Variants in RYR3 observed in about 807,000 individuals in gnomAD.
RYR3 encodes brain ryanodine receptor-calcium release channel.
Under a neutral mutation model 584.3 loss-of-function variants are expected in RYR3, and 207 were observed. The observed-to-expected ratio is 0.35, with a 90% CI of 0.32 to 0.40. The LOEUF (loss-of-function observed/expected upper bound fraction) is 0.40. Among genes scored for constraint, RYR3 ranks in the 10% least tolerant of loss-of-function variants. The pLI is 1.00. For missense variants in RYR3, 5,616 were observed against 6,089.2 expected, an observed-to-expected ratio of 0.92 and a Z score of 2.59; for synonymous variants, 2,416 against 2,248.5, an observed-to-expected ratio of 1.07 and a Z score of -2.11.
At chr15:33,648,790 A>C (rs368534725) in intron 30 of RYR3, among the ~76,000 whole-genome samples, 1 of 152,196 alleles carries the variant, frequency 6.6e-6, no homozygotes, top group African/African-American at 2.4e-5. Flanking sequence ...GCATCTCCTG[A>C]TTTCAGCACC....
chr15:33,655,182 A>G (rs531081362), intron 32 of RYR3, among the ~76,000 whole-genome samples: 1 of 152,338 alleles, frequency 6.6e-6, no homozygotes, highest in South Asian at 2.1e-4. Flanking sequence ...TGCACTCACA[A>G]AGCCAGGCTT....
intron 86 of RYR3, among the ~76,000 whole-genome samples, chr15:33,831,971 C>T (rs2077705828): frequency 6.6e-6 from 1 of 152,116 alleles, no homozygotes; most frequent in African/African-American, 2.4e-5. Flanking sequence ...TGAGAAAATA[C>T]ATATGCACAA....
chr15:33,473,702 C>T (rs2049134134), intron 2 of RYR3, among the ~76,000 whole-genome samples, 164 bp downstream of exon 2: 1 of 152,148 alleles, frequency 6.6e-6, no homozygotes, highest in South Asian at 2.1e-4. Flanking sequence ...TTCCACAAGC[C>T]TAGGAATCGT....
chr15:33,349,727 A>C (rs1490227173), intron 1 of RYR3, among the ~76,000 whole-genome samples: 72 of 134,988 alleles, frequency 5.3e-4, no homozygotes, highest in Non-Finnish European at 1.7e-4. Context: ...TATATCTCCC[A>C]ATGCTATCCC....
At chr15:33,732,879 G>A (rs192583486) in intron 48 of RYR3, among the ~76,000 whole-genome samples, 1 of 152,254 alleles carries the variant, frequency 6.6e-6, no homozygotes, top group Admixed American at 6.5e-5. Flanking sequence ...TCCCCCTTTA[G>A]GGGCCAGCTG....
intron 19 of RYR3, among the ~76,000 whole-genome samples, chr15:33,614,498 T>C (rs1437323234): frequency 6.6e-6 from 1 of 152,194 alleles, no homozygotes; most frequent in Non-Finnish European, 1.5e-5. Context: ...GGAAAAATTG[T>C]ACCTTAGAGT....
At chr15:33,348,991 G>A (rs892912346) in intron 1 of RYR3, among the ~76,000 whole-genome samples, 2 of 151,638 alleles carry the variant, frequency 1.3e-5, no homozygotes, top group East Asian at 1.9e-4. Context: ...TGCCATTTCC[G>A]AAAGGTCATG....
Position 33,662,302 on chromosome 15 carries a change from A to G in RYR3, c.4772A>G (p.Tyr1591Cys), listed in dbSNP as rs1555397898. 3.1e-6 allele frequency: 5 copies of G among 1,611,534 alleles called. No individual in the cohort carries two copies. Among genetic ancestry groups the G allele is most frequent in the Admixed American group, 1.7e-5 (1 of 59,688 alleles). ...CSHVDLSQLF[Y>C]AIDNKYLPGL... Reference sequence around the variant, plus strand: ...CACGTGGACCTCTCCCAGCTCTTCTATGCCATTGACAACAAGTACCTCCCC... The same window carrying G: ...CACGTGGACCTCTCCCAGCTCTTCTGTGCCATTGACAACAAGTACCTCCCC... The change falls in exon 35 of 104, where the codon TAT becomes TGT. Residue 1591 changes from tyrosine (Y) to cysteine (C), a missense_variant. Physicochemically the swap from Tyr to Cys is radical, Grantham distance 194. This residue lies in a region of RYR3 where 753 missense variants were observed against 741.0 expected (regional missense o/e 1.02). Coordinates refer to ENST00000634891, the MANE Select transcript of RYR3 (RefSeq NM_001036.6).
At chr15:33,621,597 G>A (rs1026460532) in intron 19 of RYR3, among the ~76,000 whole-genome samples, 1 of 152,114 alleles carries the variant, frequency 6.6e-6, no homozygotes, top group South Asian at 2.1e-4. Flanking sequence ...AACACTTAAT[G>A]TAGGCGCATT....
intron 2 of RYR3, among the ~76,000 whole-genome samples, chr15:33,474,245 G>GTGGGCAGA (rs956746882): frequency 1.3e-5 from 2 of 152,204 alleles, no homozygotes; most frequent in African/African-American, 4.8e-5. Flanking sequence ...TGGATGGATG[G>GTGGGCAGA]TGGGCAGATG....
At chr15:33,447,563 C>T (rs1020929353) in intron 1 of RYR3, among the ~76,000 whole-genome samples, 5 of 152,190 alleles carry the variant, frequency 3.3e-5, no homozygotes, top group African/African-American at 1.2e-4. Context: ...CTGGGAAGGA[C>T]ATGAGACGAT....
At position 33,773,591 on chromosome 15, in the gene RYR3, C is replaced by A. The variant is rs764112773; in HGVS notation, c.9113C>A (p.Thr3038Lys). 6.2e-7 allele frequency: 1 copy of A among 1,607,102 alleles called. No individual in the cohort carries two copies. Among genetic ancestry groups the A allele is most frequent in the African/African-American group, 1.3e-5 (1 of 74,934 alleles). The part of the protein sequence containing the change: ...HILCSLYSLG[T>K]GKNIYVERQR... ...CTGTGCAGCCTCTACTCCCTTGGGA[C>A]GGGAAAGAACATTTATGTTGAAAGG... Residue 3038 changes from threonine to lysine, a missense_variant, in exon 64 of 104, where the codon ACG (threonine) becomes AAG (lysine). Around this residue, in one of 9 missense-constraint regions of RYR3, gnomAD observed 954 missense variants for 1,132.2 expected, o/e 0.84. Coordinates refer to ENST00000634891, the MANE Select transcript of RYR3 (RefSeq NM_001036.6).
intron 1 of RYR3, among the ~76,000 whole-genome samples, chr15:33,330,577 G>T (rs902883655): frequency 2.6e-5 from 4 of 152,088 alleles, no homozygotes; most frequent in Non-Finnish European, 5.9e-5. Context: ...ATTCTCTTTG[G>T]TATCTCTACT....
In RYR3 at chr15:33,508,581, T is replaced by C. The variant is rs561047279; in HGVS notation, c.279+4843T>C. 8.6e-5 allele frequency among the ~76,000 whole-genome samples: 13 copies of C among 152,042 alleles called. No individual in the cohort carries two copies. The East Asian group carries it at 2.3e-3, about 27-fold the overall frequency. ...AGGAGAATGGTGTGAACCTGGGAGGTGGAGCTTGCAGTGAGCTGAGATTGC... is the reference window on the plus strand; with the variant it reads ...AGGAGAATGGTGTGAACCTGGGAGGCGGAGCTTGCAGTGAGCTGAGATTGC... On this transcript the variant is annotated intron_variant, in intron 3 of 103. Coordinates refer to ENST00000634891, the MANE Select transcript of RYR3 (RefSeq NM_001036.6).
chr15:33,562,757 C>A, intron 10 of RYR3, 80 bp from the exon 11 acceptor site: 1 of 1,036,602 alleles, frequency 9.6e-7, no homozygotes, highest in Non-Finnish European at 1.4e-6. Flanking sequence ...ACAGGTTCTT[C>A]ATAGGTGATT....
At chr15:33,829,670 G>A (rs1054304916) in intron 85 of RYR3, among the ~76,000 whole-genome samples, 19 of 151,862 alleles carry the variant, frequency 1.3e-4, no homozygotes, top group Non-Finnish European at 1.6e-4. Flanking sequence ...GGAGAATGGC[G>A]TGAACCCGGG....
At chr15:33,350,349 A>T (rs1449441980) in intron 1 of RYR3, among the ~76,000 whole-genome samples, 1 of 152,134 alleles carries the variant, frequency 6.6e-6, no homozygotes, top group Admixed American at 6.5e-5. Flanking sequence ...TAGACAGATC[A>T]ATGAGACAGA....
chr15:33,686,252 C>A (rs2065002034), intron 38 of RYR3, among the ~76,000 whole-genome samples: 2 of 152,134 alleles, frequency 1.3e-5, no homozygotes, highest in South Asian at 4.1e-4. Flanking sequence ...GATATCACCA[C>A]CAATCGCACA....
At chr15:33,396,532 C>A (rs1226605061) in intron 1 of RYR3, among the ~76,000 whole-genome samples, 1 of 152,196 alleles carries the variant, frequency 6.6e-6, no homozygotes, top group Non-Finnish European at 1.5e-5. Context: ...AGATCTCAAG[C>A]CCCGGGGATC....
Sources: gnomAD v4.1 joint callset for allele counts (sites outside exome capture counted in the v4.1 genomes callset) on GRCh38, gnomAD v4.1.1 for gene constraint, gnomAD v4.1.1 regional missense constraint, MANE v1.5 for transcripts, NCBI Gene and HGNC (gene_info 2026-07-23, HGNC 2026-07-21) for gene names.